Variants in AASS observed in about 807,000 individuals in gnomAD.
The protein encoded by AASS is aminoadipate-semialdehyde synthase.
In AASS, 86 loss-of-function variants were observed where a neutral mutation model predicts 105.4. The observed-to-expected ratio is 0.82, with a 90% CI of 0.69 to 0.98. The LOEUF (loss-of-function observed/expected upper bound fraction) is 0.98. Ranked by LOEUF, AASS falls within the 50% of genes least tolerant of loss-of-function variation. AASS has a pLI of 0.00. For synonymous variants in AASS, 381 were observed against 394.8 expected (o/e 0.96, Z 0.41); for missense variants, 1,048 against 1,143.2 (o/e 0.92, Z 1.20).
rs2150522161 is a variant in AASS, at chr7:122,098,885, A to AG, written c.1407-20_1407-19insC. 6.5e-7 allele frequency: 1 copy of AG among 1,547,724 alleles called. No individual in the cohort carries two copies. Among genetic ancestry groups the AG allele is most frequent in the East Asian group, 2.4e-5 (1 of 42,080 alleles). On this transcript the variant is annotated intron_variant, in intron 13 of 23. Coordinates refer to ENST00000417368, the MANE Select transcript of AASS (RefSeq NM_005763.4). Reference sequence around the variant, plus strand: ...ACGTTCCCTATTTAAAAAAAAAAAAAAAAAAAAAAAAGGGAAGGGGCTAAT... The same window carrying AG: ...ACGTTCCCTATTTAAAAAAAAAAAAAGAAAAAAAAAAAGGGAAGGGGCTAAT...
At chr7:122,140,377 C>T (rs1796328848) in intron 1 of AASS, among the ~76,000 whole-genome samples, 1 of 147,864 alleles carries the variant, frequency 6.8e-6, no homozygotes, top group South Asian at 2.2e-4. Flanking sequence ...CCCAGCTACT[C>T]GGGAGACTGA....
At chr7:122,119,739 A>C (rs1212134196) in intron 4 of AASS, among the ~76,000 whole-genome samples, 1 of 152,012 alleles carries the variant, frequency 6.6e-6, no homozygotes, top group Non-Finnish European at 1.5e-5. Context: ...TATTTCACCA[A>C]CTCCTGGTCT....
chr7:122,124,535 G>A (rs1408592597), intron 4 of AASS, among the ~76,000 whole-genome samples: 2 of 152,056 alleles, frequency 1.3e-5, no homozygotes, highest in African/African-American at 4.8e-5. Context: ...TGCCCTCTTC[G>A]GCCTCCCGAA....
chr7:122,133,884 G>T, intron 1 of AASS, 143 bp from the exon 2 acceptor site: 2 of 754,342 alleles, frequency 2.7e-6, no homozygotes, highest in Non-Finnish European at 4.4e-6. Context: ...GGGAAAACTG[G>T]GATGTCAAGT....
At chr7:122,113,762 G>A (rs1795040790) in intron 9 of AASS, 42 bp from the exon 10 acceptor site, 4 of 1,606,444 alleles carry the variant, frequency 2.5e-6, no homozygotes, top group Non-Finnish European at 3.4e-6. Context: ...ATGAAATTCT[G>A]AAGTCTCCAA....
At chr7:122,079,916 A>G (rs1584805763) in intron 20 of AASS, among the ~76,000 whole-genome samples, 1 of 152,160 alleles carries the variant, frequency 6.6e-6, no homozygotes, top group East Asian at 1.9e-4. Flanking sequence ...TGCTATTCCA[A>G]ACGATATTTC....
At chr7:122,111,525 T>C (rs1794929946) in intron 11 of AASS, among the ~76,000 whole-genome samples, 1 of 152,188 alleles carries the variant, frequency 6.6e-6, no homozygotes, top group Non-Finnish European at 1.5e-5. Flanking sequence ...TTGGTAAATA[T>C]ATTATTGTAT....
At chr7:122,116,337 T>G (rs1359231556) in intron 8 of AASS, among the ~76,000 whole-genome samples, 1 of 152,060 alleles carries the variant, frequency 6.6e-6, no homozygotes, top group Non-Finnish European at 1.5e-5. Context: ...CCAGGATAAA[T>G]ACAGAAAACA....
chr7:122,131,901 T>C (rs1391348057), intron 2 of AASS, among the ~76,000 whole-genome samples: 1 of 152,242 alleles, frequency 6.6e-6, no homozygotes, highest in East Asian at 1.9e-4. Context: ...GAAGCCCCCT[T>C]GGAAGGACTC....
intron 18 of AASS, among the ~76,000 whole-genome samples, chr7:122,090,797 A>G (rs917929329): frequency 2.6e-5 from 4 of 152,116 alleles, no homozygotes; most frequent in Non-Finnish European, 5.9e-5. Context: ...TGTAGCTGTT[A>G]TCTTAACTCC....
intron 4 of AASS, among the ~76,000 whole-genome samples, chr7:122,125,315 T>C (rs575402462): frequency 5.9e-5 from 9 of 152,304 alleles, no homozygotes; most frequent in African/African-American, 1.9e-4. Context: ...ATATTAATAA[T>C]AAGCAGAATG....
intron 4 of AASS, among the ~76,000 whole-genome samples, chr7:122,119,541 G>A (rs574747114): frequency 4.6e-5 from 7 of 152,102 alleles, no homozygotes; most frequent in South Asian, 4.2e-4. Flanking sequence ...AACTTTCCAT[G>A]CTCCTCCATT....
Position 122,074,864 on chromosome 7 carries a change from T to G in AASS, c.*1625A>C, listed in dbSNP as rs1792927625. The stretch of plus-strand genomic sequence containing the variant: ...GATGCTGTCAATTTTTTTCTTTTCT[T>G]TTTTGTTTTTTTTGAGTCAAGGTCT... On this transcript the variant is annotated 3_prime_UTR_variant, in exon 24 of 24. Transcript: ENST00000417368. Among the ~76,000 whole-genome samples the G allele has an allele frequency of 6.8e-6, 1 of 146,978 alleles. No homozygotes were observed. Among genetic ancestry groups the G allele is most frequent in the South Asian group, 2.3e-4 (1 of 4,316 alleles).
intron 23 of AASS, among the ~76,000 whole-genome samples, chr7:122,077,128 T>G (rs1056568577): frequency 7.9e-5 from 12 of 152,198 alleles, no homozygotes; most frequent in Non-Finnish European, 1.2e-4. Context: ...AGTTGGTCAT[T>G]TAATTTGACA....
intron 13 of AASS, among the ~76,000 whole-genome samples, chr7:122,100,968 A>C (rs1421955094): frequency 6.6e-6 from 1 of 151,870 alleles, no homozygotes; most frequent in Non-Finnish European, 1.5e-5. Flanking sequence ...TAAACAAAAG[A>C]GAGTCCAAAT....
At chr7:122,112,520 T>A (rs997635697) in intron 11 of AASS, among the ~76,000 whole-genome samples, 1 of 152,180 alleles carries the variant, frequency 6.6e-6, no homozygotes, top group African/African-American at 2.4e-5. Flanking sequence ...TTCTTTATAT[T>A]GGAATCATTG....
Position 122,074,087 on chromosome 7 carries a change from T to C in AASS, c.*2402A>G, listed in dbSNP as rs1792892150. Reference sequence around the variant, plus strand: ...GACATTTGTTTTTATATCACGTGGGTATCCACCAACAGTGCATGAGGGTTC... The same window carrying C: ...GACATTTGTTTTTATATCACGTGGGCATCCACCAACAGTGCATGAGGGTTC... On this transcript the variant is annotated 3_prime_UTR_variant, in exon 24 of 24. Transcript: ENST00000417368. 6.6e-6 allele frequency among the ~76,000 whole-genome samples: 1 copy of C among 152,102 alleles called. No individual in the cohort carries two copies. The highest frequency in any genetic ancestry group is 2.1e-4 in the South Asian group (1 of 4,830).
At chr7:122,094,930 C>CA (rs1199191447) in intron 15 of AASS, among the ~76,000 whole-genome samples, 1 of 152,064 alleles carries the variant, frequency 6.6e-6, no homozygotes, top group African/African-American at 2.4e-5. Context: ...AAAAGAACAG[C>CA]AGCCCTATTT....
chr7:122,138,274 G>A (rs556716571), intron 1 of AASS, among the ~76,000 whole-genome samples: 2 of 152,006 alleles, frequency 1.3e-5, no homozygotes, highest in Non-Finnish European at 2.9e-5. Context: ...TTTATCTGTG[G>A]GTAATACATT....
Sources: gnomAD v4.1 joint callset for allele counts (sites outside exome capture counted in the v4.1 genomes callset) on GRCh38, gnomAD v4.1.1 for gene constraint, MANE v1.5 for transcripts, NCBI Gene and HGNC (gene_info 2026-07-23, HGNC 2026-07-21) for gene names.